Variants in WWOX observed in about 807,000 individuals in gnomAD.
WWOX encodes the protein WW domain containing oxidoreductase, also known as WW domain-containing oxidoreductase.
A neutral mutation model predicts 46.2 loss-of-function variants in WWOX; 69 were observed. The ratio of observed to expected loss-of-function variants is 1.49; its 90% CI spans 1.23 to 1.82. The LOEUF is 1.82. Ranked by LOEUF, WWOX falls within the 40% of genes most tolerant of loss-of-function variation. WWOX has a pLI of 0.00. For missense variants in WWOX, 919 were observed against 542.6 expected, an observed-to-expected ratio of 1.69 and a Z score of -6.89; for synonymous variants, 359 against 202.6, an observed-to-expected ratio of 1.77 and a Z score of -6.56.
At chr16:78,631,627 C>T (rs529596868) in intron 8 of WWOX, among the ~76,000 whole-genome samples, 2 of 151,404 alleles carry the variant, frequency 1.3e-5, no homozygotes, top group South Asian at 4.2e-4. Context: ...CAGCTTCCTC[C>T]TCCCAGGCTC....
At chr16:78,415,607 C>T (rs367618598) in intron 6 of WWOX, among the ~76,000 whole-genome samples, 10 of 152,156 alleles carry the variant, frequency 6.6e-5, no homozygotes, top group African/African-American at 2.4e-4. Context: ...TTTTAATTTC[C>T]TCAGTTATTA....
At chr16:78,728,917 A>G (rs2048897746) in intron 8 of WWOX, among the ~76,000 whole-genome samples, 1 of 152,204 alleles carries the variant, frequency 6.6e-6, no homozygotes, top group Non-Finnish European at 1.5e-5. Context: ...TAATTTAGTC[A>G]TTCCAACGGT....
chr16:78,550,620 C>T (rs769824099), intron 8 of WWOX: 1 of 152,184 alleles, frequency 6.6e-6, no homozygotes, highest in Admixed American at 6.5e-5. Context: ...TTTTGTCTGA[C>T]ATAACTCAAA....
At chr16:78,754,799 T>A (rs896966181) in intron 8 of WWOX, among the ~76,000 whole-genome samples, 1 of 152,166 alleles carries the variant, frequency 6.6e-6, no homozygotes, top group African/African-American at 2.4e-5. Context: ...CTCTAAGGCC[T>A]CTACTTATAG....
chr16:78,341,851 A>T lies in WWOX; in HGVS notation c.517-45009A>T, dbSNP rs774991843. The stretch of plus-strand genomic sequence containing the variant: ...GAAGGTTAACAGGGCATGGTGGTGC[A>T]CACCTGTAATTCTAGCACATTGGGA... On this transcript the variant is annotated intron_variant, in intron 5 of 8. Coordinates refer to ENST00000566780, the MANE Select transcript of WWOX (RefSeq NM_016373.4). Among the ~76,000 whole-genome samples the T allele has an allele frequency of 3.4e-4, 41 of 120,386 alleles. 11 individuals are homozygous for T. The highest frequency in any genetic ancestry group is 6.0e-4 in the Non-Finnish European group (30 of 50,356). The allele number at this position is 120,386 out of a possible 152,430, so 79.0% of individuals were successfully genotyped here. A position where few individuals can be genotyped will look rare whatever the true frequency, so the allele number is the denominator to read the frequency against.
chr16:78,847,835 G>T (rs1360252751), intron 8 of WWOX, among the ~76,000 whole-genome samples: 1 of 152,080 alleles, frequency 6.6e-6, no homozygotes, highest in East Asian at 1.9e-4. Flanking sequence ...CACCTGTCCT[G>T]TATGACTGGC....
chr16:78,813,335 G>A (rs865847215), intron 8 of WWOX, among the ~76,000 whole-genome samples: 1 of 151,598 alleles, frequency 6.6e-6, no homozygotes, highest in African/African-American at 2.4e-5. Flanking sequence ...AAAACACTCA[G>A]AAATTTAAGT....
intron 5 of WWOX, among the ~76,000 whole-genome samples, chr16:78,323,304 A>C (rs974020296): frequency 6.6e-6 from 1 of 152,116 alleles, no homozygotes; most frequent in Non-Finnish European, 1.5e-5. Flanking sequence ...ACGGGGTTTC[A>C]CCATGTTAGC....
chr16:79,171,225 G>A (rs1244857303), intron 8 of WWOX, among the ~76,000 whole-genome samples: 2 of 152,178 alleles, frequency 1.3e-5, no homozygotes, highest in African/African-American at 4.8e-5. Flanking sequence ...AAATGTAGAC[G>A]AGGTTTAGGG....
In WWOX at chr16:78,326,589, CG is replaced by C. The variant is rs1412247973; in HGVS notation, c.517-60270del. 3.8e-3 allele frequency among the ~76,000 whole-genome samples: 370 copies of C among 97,244 alleles called. 50 individuals are homozygous for C. Among genetic ancestry groups the C allele is most frequent in the African/African-American group, 0.015 (301 of 19,852 alleles). The allele number at this position is 97,244 out of a possible 152,430, so 63.8% of individuals were successfully genotyped here. On this transcript the variant is annotated intron_variant, in intron 5 of 8. Coordinates refer to ENST00000566780, the MANE Select transcript of WWOX (RefSeq NM_016373.4). ...CTGCCCTCCCCCCGCCCCCCCCCCCCGCAATGCCTCAATCTGTGGCAGAGTT... is the reference window on the plus strand; with the variant it reads ...CTGCCCTCCCCCCGCCCCCCCCCCCCCAATGCCTCAATCTGTGGCAGAGTT...
intron 8 of WWOX, among the ~76,000 whole-genome samples, chr16:78,726,189 TTTCC>T (rs1181857912): frequency 6.7e-5 from 10 of 149,066 alleles, no homozygotes; most frequent in Non-Finnish European, 1.0e-4. Flanking sequence ...TCTCTCTCTC[TTTCC>T]TTCCTTCCTT....
Position 78,841,823 on chromosome 16 carries a change from G to A in WWOX, c.1057-369785G>A, listed in dbSNP as rs2052159043. ...TTACTTTTGCTAATTATGTGTGTGG[G>A]TAGATTATGTTATTCATGAATTTTA... On this transcript the variant is annotated intron_variant, in intron 8 of 8. Coordinates refer to ENST00000566780, the MANE Select transcript of WWOX (RefSeq NM_016373.4). 3.9e-5 allele frequency among the ~76,000 whole-genome samples: 6 copies of A among 152,260 alleles called. No homozygotes were observed. The South Asian group carries it at 1.2e-3, about 32-fold the overall frequency.
chr16:78,823,336 G>C (rs912150300), intron 8 of WWOX, among the ~76,000 whole-genome samples: 2 of 152,164 alleles, frequency 1.3e-5, no homozygotes, highest in Admixed American at 1.3e-4. Flanking sequence ...TATTGTGTCA[G>C]CCGCCTGTGT....
chr16:78,872,049 G>T (rs562801574), intron 8 of WWOX, among the ~76,000 whole-genome samples: 1 of 152,320 alleles, frequency 6.6e-6, no homozygotes, highest in Admixed American at 6.5e-5. Flanking sequence ...CAAAATTTCT[G>T]TCAACCCTTC....
chr16:79,039,208 G>C (rs905447030), intron 8 of WWOX, among the ~76,000 whole-genome samples: 4 of 152,154 alleles, frequency 2.6e-5, no homozygotes, highest in African/African-American at 9.7e-5. Context: ...TTGCGTTGCA[G>C]TTTTGTTCAG....
chr16:78,386,992 T>C, intron 6 of WWOX, 44 bp downstream of exon 6: 1 of 1,567,870 alleles, frequency 6.4e-7, no homozygotes, highest in African/African-American at 1.3e-5. Flanking sequence ...TTTCTTGCTA[T>C]TGTAATATCT....
At chr16:79,204,636 A>G (rs2051448309) in intron 8 of WWOX, 1 of 152,220 alleles carries the variant, frequency 6.6e-6, no homozygotes, top group Non-Finnish European at 1.5e-5. Flanking sequence ...CAGTTTGTCG[A>G]CTTGGAAACA....
intron 8 of WWOX, among the ~76,000 whole-genome samples, chr16:78,479,537 G>A (rs2084437135): frequency 6.6e-6 from 1 of 152,222 alleles, no homozygotes; most frequent in Admixed American, 6.5e-5. Flanking sequence ...TTTGTGGCAT[G>A]ATGGTATAGA....
chr16:78,687,143 C>T (rs929158926), intron 8 of WWOX, among the ~76,000 whole-genome samples: 2 of 152,008 alleles, frequency 1.3e-5, no homozygotes, highest in Non-Finnish European at 2.9e-5. Flanking sequence ...CATTGAATAA[C>T]CACCCAAATT....
Sources: gnomAD v4.1 joint callset for allele counts (sites outside exome capture counted in the v4.1 genomes callset) on GRCh38, gnomAD v4.1.1 for gene constraint, MANE v1.5 for transcripts, NCBI Gene and HGNC (gene_info 2026-07-23, HGNC 2026-07-21) for gene names.